Variants in FGF10 observed in about 807,000 individuals in gnomAD.
FGF10 encodes FGF-10.
FGF10 carries 2 observed loss-of-function variants against 19.8 expected under a neutral mutation model. The ratio of observed to expected loss-of-function variants is 0.10; its 90% confidence interval spans 0.04 to 0.32. FGF10 has a LOEUF of 0.32. Ranked by LOEUF, FGF10 falls within the 10% of genes least tolerant of loss-of-function variation. FGF10 has a pLI of 1.00. For synonymous variants in FGF10, 112 were observed against 94.0 expected, an observed-to-expected ratio of 1.19 and a Z score of -1.10; for missense variants, 191 against 246.3, an observed-to-expected ratio of 0.78 and a Z score of 1.50.
At chr5:44,322,372 A>T (rs1320978466) in intron 1 of FGF10, among the ~76,000 whole-genome samples, 1 of 152,206 alleles carries the variant, frequency 6.6e-6, no homozygotes, top group South Asian at 2.1e-4. Context: ...ATATGTTTTA[A>T]ACATTAGCTG....
chr5:44,322,711 C>T (rs1740525969), intron 1 of FGF10, among the ~76,000 whole-genome samples: 1 of 151,728 alleles, frequency 6.6e-6, no homozygotes, highest in Non-Finnish European at 1.5e-5. Flanking sequence ...AACATTCTAT[C>T]TTTGTGAAGC....
chr5:44,372,746 A>G (rs1741769127), intron 1 of FGF10, among the ~76,000 whole-genome samples: 6 of 152,208 alleles, frequency 3.9e-5, no homozygotes, highest in Admixed American at 3.9e-4. Context: ...GCGTAGTATA[A>G]CAGTTATAAA....
chr5:44,345,250 T>G (rs1481665154), intron 1 of FGF10, among the ~76,000 whole-genome samples: 1 of 151,616 alleles, frequency 6.6e-6, no homozygotes, highest in Non-Finnish European at 1.5e-5. Flanking sequence ...GAATATAGAA[T>G]GAGAAAATGG....
At chr5:44,363,535 GA>G (rs779446695) in intron 1 of FGF10, among the ~76,000 whole-genome samples, 1 of 151,838 alleles carries the variant, frequency 6.6e-6, no homozygotes, top group African/African-American at 2.4e-5. Flanking sequence ...AAATTTCACA[GA>G]GTTTGAAACT....
chr5:44,326,497 C>T (rs1416318417), intron 1 of FGF10, among the ~76,000 whole-genome samples: 1 of 152,030 alleles, frequency 6.6e-6, no homozygotes, highest in Non-Finnish European at 1.5e-5. Flanking sequence ...CTCCCAGGCT[C>T]AAGCGATCCT....
At chr5:44,361,172 G>A (rs1190965313) in intron 1 of FGF10, among the ~76,000 whole-genome samples, 3 of 151,636 alleles carry the variant, frequency 2.0e-5, no homozygotes, top group Non-Finnish European at 3.0e-5. Context: ...AATCTTGACT[G>A]GAATGATGAC....
At chr5:44,365,471 C>G (rs909652880) in intron 1 of FGF10, among the ~76,000 whole-genome samples, 4 of 151,632 alleles carry the variant, frequency 2.6e-5, no homozygotes, top group Admixed American at 6.6e-5. Context: ...AAACCTTCTT[C>G]TTGCACCTCC....
intron 1 of FGF10, among the ~76,000 whole-genome samples, chr5:44,318,945 G>A (rs1740418307): frequency 2.0e-5 from 3 of 152,300 alleles, no homozygotes; most frequent in Middle Eastern, 6.8e-3. Context: ...GCAAATTGTA[G>A]AGTCAGAGAA....
At chr5:44,315,370 T>A (rs1740314707) in intron 1 of FGF10, among the ~76,000 whole-genome samples, 1 of 152,036 alleles carries the variant, frequency 6.6e-6, no homozygotes, top group Admixed American at 6.6e-5. Flanking sequence ...GGAGAGAAAG[T>A]GCATGCATAA....
chr5:44,345,498 G>T (rs1398745316), intron 1 of FGF10, among the ~76,000 whole-genome samples: 2 of 151,382 alleles, frequency 1.3e-5, no homozygotes, highest in Non-Finnish European at 3.0e-5. Context: ...ACATGCTTGG[G>T]GATCTCTTCA....
intron 1 of FGF10, among the ~76,000 whole-genome samples, chr5:44,350,021 T>G (rs1741196704): frequency 6.6e-6 from 1 of 150,948 alleles, no homozygotes. Context: ...ACAGGTTCAT[T>G]CCTTTTTTAA....
At chr5:44,332,121 G>A (rs750076247) in intron 1 of FGF10, among the ~76,000 whole-genome samples, 28 of 152,164 alleles carry the variant, frequency 1.8e-4, no homozygotes, top group East Asian at 3.9e-4. Context: ...GTTTAGCATC[G>A]TGTTAAAGTC....
rs1181506523 is a variant in FGF10, at chr5:44,337,866, G to A, written c.326-27336C>T. Among the ~76,000 whole-genome samples the A allele has an allele frequency of 1.8e-4, 27 of 152,054 alleles. 1 individual carries two copies. The highest frequency in any genetic ancestry group is 1.6e-3 in the Admixed American group (25 of 15,258). On this transcript the variant is annotated intron_variant, in intron 1 of 2. Coordinates refer to ENST00000264664, the MANE Select transcript of FGF10 (RefSeq NM_004465.2). ...TGACGCAGGAGAATCACTTGAACCCGGGAGGTGGAGGTTGCAGTGAGTTGA... is the reference window on the plus strand; with the variant it reads ...TGACGCAGGAGAATCACTTGAACCCAGGAGGTGGAGGTTGCAGTGAGTTGA...
Position 44,310,408 on chromosome 5 carries a change from A to C in FGF10, c.429+19T>G, listed in dbSNP as rs201775225. ...ATGGTTTACTGGAGTGGATTTGAAA[A>C]CAAAAGCAGAATACTTACTGAGCCA... On this transcript the variant is annotated intron_variant, in intron 2 of 2. Transcript: ENST00000264664. 24 of 1,553,720 alleles carry C rather than the reference A, an allele frequency of 1.5e-5. No homozygotes were observed. Among genetic ancestry groups the C allele is most frequent in the Non-Finnish European group, 2.0e-5 (23 of 1,126,172 alleles).
At chr5:44,367,998 AT>A (rs201591578) in intron 1 of FGF10, among the ~76,000 whole-genome samples, 4,174 of 152,118 alleles carry the variant, frequency 0.027, 80 homozygotes, top group Non-Finnish European at 0.04. Flanking sequence ...GGAAACAAGG[AT>A]TTTTTTATAG....
intron 1 of FGF10, among the ~76,000 whole-genome samples, chr5:44,343,105 G>A (rs1300734925): frequency 6.6e-6 from 1 of 151,906 alleles, no homozygotes; most frequent in Admixed American, 6.6e-5. Flanking sequence ...TTCATGACAG[G>A]CATTTTGTTT....
At chr5:44,327,987 A>G (rs1179019672) in intron 1 of FGF10, among the ~76,000 whole-genome samples, 2 of 152,218 alleles carry the variant, frequency 1.3e-5, no homozygotes, top group Admixed American at 1.3e-4. Context: ...AGAGCTACAG[A>G]GACATTTCCT....
At chr5:44,380,811 T>C (rs1741968080) in intron 1 of FGF10, among the ~76,000 whole-genome samples, 1 of 152,100 alleles carries the variant, frequency 6.6e-6, no homozygotes. Context: ...TGAGACCCTG[T>C]CTCTACAAAA....
At chr5:44,316,673 T>C (rs138497609) in intron 1 of FGF10, among the ~76,000 whole-genome samples, 1 of 152,268 alleles carries the variant, frequency 6.6e-6, no homozygotes, top group African/African-American at 2.4e-5. Flanking sequence ...ACACAAGTAA[T>C]AGCGGCAGCT....
Sources: allele counts gnomAD v4.1 joint callset (sites outside exome capture counted in the v4.1 genomes callset), GRCh38; gene constraint gnomAD v4.1.1; transcripts MANE v1.5; gene names NCBI Gene and HGNC (gene_info 2026-07-23, HGNC 2026-07-21).